The following FRMPD4 variants were observed in gnomAD, a reference collection of about 807,000 sequenced individuals.
FRMPD4 encodes the protein FERM and PDZ domain-containing protein 4.
A neutral mutation model predicts 94.1 loss-of-function variants in FRMPD4; 22 were observed. The ratio of observed to expected loss-of-function variants is 0.23; its 90% CI spans 0.17 to 0.33. FRMPD4 has a LOEUF of 0.33. Among genes scored for constraint, FRMPD4 ranks in the 10% least tolerant of loss-of-function variants. The probability of loss-of-function intolerance (pLI) is 1.00; values close to 1 mark genes in which losing one functional copy is unlikely to be tolerated. For missense variants in FRMPD4, 1,111 were observed against 1,339.9 expected, an observed-to-expected ratio of 0.83 and a Z score of 2.67; for synonymous variants, 631 against 548.6, an observed-to-expected ratio of 1.15 and a Z score of -2.10.
chrX:12,353,538 C>A, intron 1 of FRMPD4, among the ~76,000 whole-genome samples: 1 of 112,060 alleles, frequency 8.9e-6, no homozygotes, highest in East Asian at 2.8e-4. Context: ...CATGAATTAT[C>A]AACCCTTAAG....
At chrX:11,861,733 G>T (rs1265035522) in intron 1 of FRMPD4, among the ~76,000 whole-genome samples, 4 of 112,077 alleles carry the variant, frequency 3.6e-5, no homozygotes, top group Non-Finnish European at 7.5e-5. Flanking sequence ...TAAGGTGAGA[G>T]AGGACCTTTC....
At chrX:12,681,609 C>G (rs2059972510) in intron 5 of FRMPD4, among the ~76,000 whole-genome samples, 1 of 110,453 alleles carries the variant, frequency 9.1e-6, no homozygotes, top group South Asian at 3.9e-4. Flanking sequence ...TAAGACACTA[C>G]TCACAGCAAA....
At chrX:11,840,223 G>T (rs2053526456) in intron 1 of FRMPD4, among the ~76,000 whole-genome samples, 1 of 110,875 alleles carries the variant, frequency 9.0e-6, no homozygotes, top group African/African-American at 3.3e-5. Context: ...TCCCTATTTG[G>T]TTAGATTTTT....
intron 3 of FRMPD4, among the ~76,000 whole-genome samples, chrX:11,901,085 C>T (rs771334193): frequency 1.8e-5 from 2 of 111,570 alleles, no homozygotes; most frequent in East Asian, 5.6e-4. Context: ...TCCTACTTGT[C>T]CCTAATTTGT....
chrX:12,283,813 A>G (rs1217559950), intron 1 of FRMPD4, among the ~76,000 whole-genome samples: 1 of 111,811 alleles, frequency 8.9e-6, no homozygotes, highest in Non-Finnish European at 1.9e-5. Context: ...AAAAATCTCC[A>G]TTTGAATGAA....
chrX:12,703,472 A>T (rs1458005425), intron 10 of FRMPD4, among the ~76,000 whole-genome samples: 3 of 111,836 alleles, frequency 2.7e-5, no homozygotes, highest in Non-Finnish European at 5.6e-5. Flanking sequence ...TGGTGGGGGT[A>T]GGTTGTCTTC....
intron 3 of FRMPD4, among the ~76,000 whole-genome samples, chrX:11,957,027 T>A (rs1356072966): frequency 3.6e-5 from 4 of 112,187 alleles, no homozygotes; most frequent in Admixed American, 9.5e-5. Context: ...ATTTTCTCCC[T>A]TACAGGAAAG....
At chrX:12,540,993 G>C (rs1199862002) in intron 2 of FRMPD4, among the ~76,000 whole-genome samples, 1 of 111,692 alleles carries the variant, frequency 9.0e-6, no homozygotes, top group Non-Finnish European at 1.9e-5. Context: ...ATGACTACTG[G>C]ATACATAACA....
intron 1 of FRMPD4, among the ~76,000 whole-genome samples, chrX:12,218,366 G>T (rs1281112716): frequency 8.9e-6 from 1 of 111,896 alleles, no homozygotes; most frequent in African/African-American, 3.3e-5. Flanking sequence ...GACAATAGGA[G>T]TCTCAGCATG....
intron 1 of FRMPD4, among the ~76,000 whole-genome samples, chrX:12,171,351 A>G (rs1191475532): frequency 1.8e-5 from 2 of 112,024 alleles, no homozygotes; most frequent in Non-Finnish European, 3.8e-5. Flanking sequence ...ATTTTTTGCT[A>G]TATGACAGAT....
intron 1 of FRMPD4, among the ~76,000 whole-genome samples, chrX:11,828,737 G>A (rs2053458240): frequency 9.1e-6 from 1 of 109,802 alleles, no homozygotes; most frequent in African/African-American, 3.5e-5. Context: ...TTGCAAGGTC[G>A]CAGTTTTTTT....
At chrX:12,241,949 G>GA (rs2053881510) in intron 1 of FRMPD4, among the ~76,000 whole-genome samples, 1 of 57,210 alleles carries the variant, frequency 1.7e-5, no homozygotes, top group Non-Finnish European at 4.0e-5. Flanking sequence ...GGAAGGGGAA[G>GA]GGGAGGAGGA....
chrX:12,530,916 G>C (rs2058278950), intron 2 of FRMPD4, among the ~76,000 whole-genome samples: 1 of 111,593 alleles, frequency 9.0e-6, no homozygotes, highest in African/African-American at 3.3e-5. Context: ...TGGGTGGTTA[G>C]ATGTGTGGAT....
chrX:12,333,410 C>T (rs1218443292), intron 1 of FRMPD4, among the ~76,000 whole-genome samples: 1 of 111,157 alleles, frequency 9.0e-6, no homozygotes, highest in Non-Finnish European at 1.9e-5. Flanking sequence ...TGATATTGGC[C>T]TAAGTTCATG....
intron 1 of FRMPD4, among the ~76,000 whole-genome samples, chrX:12,366,450 G>A (rs1029277058): frequency 1.9e-4 from 21 of 111,407 alleles, no homozygotes; most frequent in African/African-American, 5.9e-4. Flanking sequence ...TGATGGCAGT[G>A]CAGAGGGTGG....
chrX:12,335,951 T>A (rs1246214011), intron 1 of FRMPD4, among the ~76,000 whole-genome samples: 1 of 112,539 alleles, frequency 8.9e-6, no homozygotes, highest in Non-Finnish European at 1.9e-5. Context: ...CTGCACCTTT[T>A]CAAAGGAATC....
intron 1 of FRMPD4, among the ~76,000 whole-genome samples, chrX:12,472,575 G>C (rs909468163): frequency 1.8e-5 from 2 of 111,290 alleles, no homozygotes; most frequent in African/African-American, 6.5e-5. Context: ...AAAAAGATTA[G>C]ACAAATGGCT....
At chrX:11,855,248 C>T (rs1304535978) in intron 1 of FRMPD4, among the ~76,000 whole-genome samples, 1 of 111,145 alleles carries the variant, frequency 9.0e-6, no homozygotes, top group Admixed American at 9.5e-5. Flanking sequence ...AGGCCCTGGG[C>T]CTGGCCCAGG....
intron 1 of FRMPD4, among the ~76,000 whole-genome samples, chrX:12,415,837 C>T (rs900798905): frequency 1.8e-5 from 2 of 112,229 alleles, no homozygotes; most frequent in African/African-American, 6.5e-5. Flanking sequence ...AAATATGTTT[C>T]TAACACTGCT....
Sources: allele counts gnomAD v4.1 joint callset (sites outside exome capture counted in the v4.1 genomes callset), GRCh38; gene constraint gnomAD v4.1.1; transcripts MANE v1.5; gene names NCBI Gene and HGNC (gene_info 2026-07-23, HGNC 2026-07-21).